Variants in DISP1 observed in about 807,000 individuals in gnomAD.
The protein encoded by DISP1 is dispatched RND transporter family member 1.
A neutral mutation model predicts 37.3 loss-of-function variants in DISP1; 30 were observed. The observed-to-expected ratio is 0.80, with a 90% confidence interval of 0.60 to 1.09. The LOEUF (loss-of-function observed/expected upper bound fraction) is 1.09, where lower values mean the gene tolerates loss of function less well. DISP1 is among the 50% of genes least tolerant of loss of function. The probability of loss-of-function intolerance (pLI) is 0.00; values close to 1 mark genes in which losing one functional copy is unlikely to be tolerated. For synonymous variants in DISP1, 634 were observed against 690.2 expected, an observed-to-expected ratio of 0.92 and a Z score of 1.28; for missense variants, 1,598 against 1,879.5, an observed-to-expected ratio of 0.85 and a Z score of 2.77.
intron 7 of DISP1, among the ~76,000 whole-genome samples, chr1:222,993,859 T>G (rs765206723): frequency 2.0e-5 from 3 of 152,196 alleles, no homozygotes; most frequent in Non-Finnish European, 4.4e-5. Context: ...ATGAAATGCT[T>G]CAGTTTCTAC....
rs71178509 is a variant in DISP1 at position 222,936,785 on chromosome 1, AAT to A, written c.-17-6014_-17-6013del. Among the ~76,000 whole-genome samples, 114 of 67,012 alleles carry A rather than the reference AAT, an allele frequency of 1.7e-3. 3 individuals carry two copies. Among genetic ancestry groups the A allele is most frequent in the South Asian group, 9.5e-3 (21 of 2,212 alleles). 44.0% of individuals were successfully genotyped at this position (67,012 alleles called of 152,430 possible). A position where few individuals can be genotyped will look rare whatever the true frequency, so the allele number is the denominator to read the frequency against. ...TATAAAAATTATATATATCATATAT[AAT>A]ATATATAATATATTATATATATAAA... is the stretch of plus-strand genomic sequence containing the variant. On this transcript the variant is annotated intron_variant, in intron 2 of 8. Coordinates refer to ENST00000675850, the MANE Select transcript of DISP1 (RefSeq NM_001377229.1).
chr1:222,895,798 A>C (rs1671216892), intron 1 of DISP1, among the ~76,000 whole-genome samples: 2 of 152,182 alleles, frequency 1.3e-5, no homozygotes, highest in Admixed American at 6.5e-5. Context: ...CAAATATAAA[A>C]ATTTTCTAAA....
intron 3 of DISP1, among the ~76,000 whole-genome samples, chr1:222,952,975 A>G (rs2125521047): frequency 6.6e-6 from 1 of 152,326 alleles, no homozygotes. Context: ...CACAAAAGCC[A>G]CTGCATATCT....
At chr1:222,921,163 T>A (rs1672788464) in intron 1 of DISP1, among the ~76,000 whole-genome samples, 1 of 151,990 alleles carries the variant, frequency 6.6e-6, no homozygotes, top group Non-Finnish European at 1.5e-5. Context: ...AATACAAAAA[T>A]TAGCCGGATG....
At chr1:222,953,727 T>G (rs1021562765) in intron 3 of DISP1, among the ~76,000 whole-genome samples, 1 of 152,212 alleles carries the variant, frequency 6.6e-6, no homozygotes, top group Non-Finnish European at 1.5e-5. Context: ...GTTCCAGGCT[T>G]GCTTGCCAAA....
intron 1 of DISP1, among the ~76,000 whole-genome samples, chr1:222,847,710 C>A (rs1667992132): frequency 6.6e-6 from 1 of 152,072 alleles, no homozygotes; most frequent in African/African-American, 2.4e-5. Flanking sequence ...ACACCAACCC[C>A]CACCCCCAAT....
chr1:222,854,828 G>T (rs1216463669), intron 1 of DISP1, among the ~76,000 whole-genome samples: 1 of 151,906 alleles, frequency 6.6e-6, no homozygotes, highest in Middle Eastern at 3.4e-3. Context: ...GAGATAAATG[G>T]GTATACCTAA....
At chr1:222,950,160 A>C (rs1310036654) in intron 3 of DISP1, among the ~76,000 whole-genome samples, 2 of 152,222 alleles carry the variant, frequency 1.3e-5, no homozygotes, top group Non-Finnish European at 2.9e-5. Flanking sequence ...GGTTAGGGAC[A>C]GTCTGACTGA....
intron 1 of DISP1, among the ~76,000 whole-genome samples, chr1:222,880,693 G>A (rs572603148): frequency 1.4e-3 from 213 of 152,244 alleles, no homozygotes; most frequent in Non-Finnish European, 2.5e-3. Context: ...AATAAAGATG[G>A]TTCTGGTGGA....
chr1:222,993,740 G>C (rs1678865237), intron 7 of DISP1, among the ~76,000 whole-genome samples: 1 of 152,114 alleles, frequency 6.6e-6, no homozygotes, highest in Non-Finnish European at 1.5e-5. Flanking sequence ...ACCAACATCT[G>C]TTAGTTATGA....
At chr1:222,876,696 A>C (rs1465470356) in intron 1 of DISP1, among the ~76,000 whole-genome samples, 1 of 152,214 alleles carries the variant, frequency 6.6e-6, no homozygotes, top group Non-Finnish European at 1.5e-5. Flanking sequence ...GTTGGAAGAC[A>C]TACAAAAGAA....
chr1:223,005,740 C>T lies in DISP1; in HGVS notation c.4343C>T (p.Ala1448Val). The change falls in exon 9 of 9, where the codon GCA becomes GTA. Residue 1448 changes from alanine (A) to valine (V), a missense_variant. Coordinates refer to ENST00000675850, the MANE Select transcript of DISP1 (RefSeq NM_001377229.1). ...KVELSLSQTD[A>V]SVNSEHFNQN... Reference sequence around the variant, plus strand: ...GAGCTGAGCTTGTCACAGACGGATGCAAGTGTGAACTCAGAACATTTCAAT... The same window carrying T: ...GAGCTGAGCTTGTCACAGACGGATGTAAGTGTGAACTCAGAACATTTCAAT... 1 of 1,614,068 alleles carries T rather than the reference C, an allele frequency of 6.2e-7. No individual in the cohort carries two copies. Among genetic ancestry groups the T allele is most frequent in the South Asian group, 1.1e-5 (1 of 91,086 alleles).
rs140829703 is a variant in DISP1 at position 223,002,575 on chromosome 1, C to A, written c.1178C>A (p.Thr393Asn). 2.5e-6 allele frequency: 4 copies of A among 1,614,162 alleles called. No individual in the cohort carries two copies. In the South Asian group the frequency reaches 4.4e-5, roughly 18 times the overall value. ...RTCAKHYQNG[T>N]LGPDCWDMAA... The stretch of plus-strand genomic sequence containing the variant: ...TGTGCCAAACACTACCAAAATGGCA[C>A]TCTGGGGCCAGACTGCTGGGACATG... Residue 393 changes from threonine to asparagine, a missense_variant, in exon 9 of 9, where the codon ACT becomes AAT. Transcript: ENST00000675850.
At chr1:222,850,431 T>C (rs534156695) in intron 1 of DISP1, among the ~76,000 whole-genome samples, 9 of 152,242 alleles carry the variant, frequency 5.9e-5, no homozygotes, top group Admixed American at 2.6e-4. Flanking sequence ...ACTTTTTTTT[T>C]CCCACTGTAT....
intron 8 of DISP1, among the ~76,000 whole-genome samples, chr1:222,997,647 A>T (rs1305862350): frequency 6.6e-6 from 1 of 152,200 alleles, no homozygotes; most frequent in Admixed American, 6.5e-5. Context: ...AAAGGAATAG[A>T]TGTACTCTGC....
chr1:222,889,725 A>T (rs1421679776), intron 1 of DISP1, among the ~76,000 whole-genome samples: 1 of 152,170 alleles, frequency 6.6e-6, no homozygotes, highest in Non-Finnish European at 1.5e-5. Context: ...TGTTGTCAGC[A>T]TTACTGCAGT....
chr1:222,955,433 T>C (rs1675528394), intron 3 of DISP1, among the ~76,000 whole-genome samples: 1 of 152,168 alleles, frequency 6.6e-6, no homozygotes, highest in Admixed American at 6.5e-5. Flanking sequence ...GTTTGAGTTA[T>C]GATTTTTTGC....
At chr1:222,830,489 T>C (rs375599298) in intron 1 of DISP1, among the ~76,000 whole-genome samples, 3 of 152,098 alleles carry the variant, frequency 2.0e-5, no homozygotes, top group Admixed American at 1.3e-4. Context: ...CAAGCGATTC[T>C]CCTTCCTCAG....
rs377033862 is a variant in DISP1, at chr1:223,003,647, C to T, written c.2250C>T (p.Ser750=). ...PKMKLPSLEL[S]EFQVFRSSHP... ...TGAAACTGCCCTCACTGGAGTTATCCGAGTTCCAGGTGTTCCGGTCGTCCC... is the reference window on the plus strand; with the variant it reads ...TGAAACTGCCCTCACTGGAGTTATCTGAGTTCCAGGTGTTCCGGTCGTCCC... The change falls in exon 9 of 9, where the codon TCC becomes TCT. Residue 750 remains serine, a synonymous_variant. Coordinates refer to ENST00000675850, the MANE Select transcript of DISP1 (RefSeq NM_001377229.1). The surrounding 1 kb of genome is among the most constrained non-coding windows in gnomAD (Gnocchi z 4.3). 2.4e-5 allele frequency: 39 copies of T among 1,613,994 alleles called. No homozygotes were observed. In the Admixed American group the frequency reaches 2.7e-4, roughly 11 times the overall value.
Sources: gnomAD v4.1 joint callset for allele counts (sites outside exome capture counted in the v4.1 genomes callset) on GRCh38, gnomAD v4.1.1 for gene constraint, Gnocchi (gnomAD v3.1) non-coding constraint, MANE v1.5 for transcripts, NCBI Gene and HGNC (gene_info 2026-07-23, HGNC 2026-07-21) for gene names.